Variants in SFXN5 observed in about 807,000 individuals in gnomAD.
The protein encoded by SFXN5 is sideroflexin-5.
In SFXN5, 43 loss-of-function variants were observed where a neutral mutation model predicts 50.2. The ratio of observed to expected loss-of-function variants is 0.86; its 90% CI spans 0.67 to 1.11. The LOEUF (loss-of-function observed/expected upper bound fraction) is 1.11. Ranked by LOEUF, SFXN5 falls within the 50% of genes least tolerant of loss-of-function variation. SFXN5 has a pLI of 0.00. For missense variants in SFXN5, 463 were observed against 454.1 expected (o/e 1.02, Z -0.18); for synonymous variants, 203 against 185.8 (o/e 1.09, Z -0.75).
At chr2:73,016,160 A>G (rs1227247241) in intron 6 of SFXN5, among the ~76,000 whole-genome samples, 1 of 152,102 alleles carries the variant, frequency 6.6e-6, no homozygotes, top group Non-Finnish European at 1.5e-5. Flanking sequence ...GTCTTGATCA[A>G]TCTTTCTAGA....
At chr2:72,969,394 T>C (rs958783335) in intron 11 of SFXN5, among the ~76,000 whole-genome samples, 2 of 152,186 alleles carry the variant, frequency 1.3e-5, no homozygotes, top group Non-Finnish European at 1.5e-5. Flanking sequence ...TTGGTGTTTT[T>C]TTTGTTTGTT....
rs191831007 is a variant in SFXN5, at chr2:72,965,878, G to A, written c.827+2570C>T. On this transcript the variant is annotated intron_variant, in intron 12 of 13. Transcript: ENST00000272433. ...TCCCTGGATGAGCATGGCTGACCCA[G>A]CTTCACACCCCGCCCCCCGCCTTCT... Among the ~76,000 whole-genome samples, 101 of 152,296 alleles carry A rather than the reference G, an allele frequency of 6.6e-4. 2 individuals carry two copies. Among genetic ancestry groups the A allele is most frequent in the African/African-American group, 2.3e-3 (94 of 41,568 alleles).
At chr2:73,050,893 C>T (rs1559206197) in intron 2 of SFXN5, among the ~76,000 whole-genome samples, 3 of 152,148 alleles carry the variant, frequency 2.0e-5, no homozygotes, top group African/African-American at 4.8e-5. Flanking sequence ...TGAATTGTTT[C>T]GCTCTTCTTA....
At chr2:72,951,822 C>A (rs868795621) in intron 13 of SFXN5, among the ~76,000 whole-genome samples, 5 of 152,192 alleles carry the variant, frequency 3.3e-5, no homozygotes. Context: ...AAGGTGGCGA[C>A]ATTGACGCAG....
intron 2 of SFXN5, among the ~76,000 whole-genome samples, chr2:73,053,776 ACCT>A (rs1181327276): frequency 1.3e-5 from 2 of 152,154 alleles, no homozygotes; most frequent in East Asian, 3.9e-4. Flanking sequence ...TTCCAGAGCC[ACCT>A]CCTCAAGTCC....
intron 8 of SFXN5, 47 bp from the exon 9 acceptor site, chr2:72,999,061 C>G (rs760145721): frequency 6.3e-7 from 1 of 1,588,514 alleles, no homozygotes; most frequent in African/African-American, 1.3e-5. Context: ...GCCCAAAGCT[C>G]CCATACTTCC....
At position 72,998,933 on chromosome 2, in the gene SFXN5, G is replaced by A. The variant is rs766965092; in HGVS notation, c.534+16C>T. ...GAGCAGCAGAGCCAAGAAGGAGCAG[G>A]GGAGGGAGTACTCACAGCAATGGAG... On this transcript the variant is annotated intron_variant, in intron 9 of 13. Coordinates refer to ENST00000272433, the MANE Select transcript of SFXN5 (RefSeq NM_144579.3). 6.2e-7 allele frequency: 1 copy of A among 1,613,534 alleles called. No individual in the cohort carries two copies. Among genetic ancestry groups the A allele is most frequent in the African/African-American group, 1.3e-5 (1 of 75,044 alleles).
chr2:73,053,357 G>A (rs1409354222), intron 2 of SFXN5: 3 of 154,316 alleles, frequency 1.9e-5, no homozygotes, highest in Non-Finnish European at 4.4e-5. Flanking sequence ...ACACCTCATT[G>A]TGGCATTTCT....
At chr2:72,987,780 A>C (rs1479199827) in intron 10 of SFXN5, among the ~76,000 whole-genome samples, 3 of 152,178 alleles carry the variant, frequency 2.0e-5, no homozygotes, top group Admixed American at 2.0e-4. Flanking sequence ...AAAAAGAAAA[A>C]AGAAAGAAAA....
At chr2:73,052,364 G>GTGTGTGTGTA (rs1312187246) in intron 2 of SFXN5, among the ~76,000 whole-genome samples, 2 of 107,454 alleles carry the variant, frequency 1.9e-5, no homozygotes, top group African/African-American at 1.3e-4. Context: ...GTATGCGTGT[G>GTGTGTGTGTA]TGTGTGTGTG....
At chr2:73,058,163 T>G (rs1370264501) in intron 2 of SFXN5, 1 of 169,860 alleles carries the variant, frequency 5.9e-6, no homozygotes, top group Non-Finnish European at 1.3e-5. Flanking sequence ...TAAAGGATAC[T>G]TTTTTCTACT....
chr2:72,989,801 T>G (rs994616368), intron 9 of SFXN5, among the ~76,000 whole-genome samples: 5 of 152,292 alleles, frequency 3.3e-5, no homozygotes, highest in African/African-American at 1.2e-4. Context: ...AGGAGTTGGG[T>G]TGCAGAGGCC....
Position 72,973,582 on chromosome 2 carries a change from C to G in SFXN5, c.626-1897G>C, listed in dbSNP as rs1187882099. Among the ~76,000 whole-genome samples the G allele has an allele frequency of 2.0e-5, 3 of 152,180 alleles. No individual in the cohort carries two copies. The highest frequency in any genetic ancestry group is 4.8e-5 in the African/African-American group (2 of 41,434). On this transcript the variant is annotated intron_variant, in intron 10 of 13. Transcript: ENST00000272433. This position sits in a 1 kb window ranked among gnomAD's most constrained non-coding sequence, Gnocchi z 5.5. The stretch of plus-strand genomic sequence containing the variant: ...GTCAGTGACAGACAGAATTAGGAAG[C>G]TGAATCCAAGGTAAAGGAGATCTGG...
rs1409099784 is a variant in SFXN5 at position 72,943,773 on chromosome 2, G to C, written c.*1249C>G. On this transcript the variant is annotated 3_prime_UTR_variant, in exon 14 of 14. Coordinates refer to ENST00000272433, the MANE Select transcript of SFXN5 (RefSeq NM_144579.3). ...TCCAAAGGGGCCTGCCCCCTTCCCA[G>C]TCCAGAGTCCACACTGGGGACATGC... 6.5e-6 allele frequency: 1 copy of C among 152,692 alleles called. No homozygotes were observed. Among genetic ancestry groups the C allele is most frequent in the Non-Finnish European group, 1.5e-5 (1 of 68,104 alleles). The allele number at this position is 152,692 out of a possible 1,614,324, so 9.5% of individuals were successfully genotyped here.
chr2:73,050,904 C>T (rs1195806232), intron 2 of SFXN5, among the ~76,000 whole-genome samples: 3 of 152,156 alleles, frequency 2.0e-5, no homozygotes, highest in South Asian at 2.1e-4. Flanking sequence ...GCTCTTCTTA[C>T]GTTTTACTAT....
intron 2 of SFXN5, among the ~76,000 whole-genome samples, chr2:73,048,273 A>T (rs1331120676): frequency 1.3e-5 from 2 of 152,188 alleles, no homozygotes; most frequent in Non-Finnish European, 2.9e-5. Context: ...GCTGGAGTGC[A>T]GTGATGTGAT....
Position 73,058,596 on chromosome 2 carries a change from T to A in SFXN5, c.103A>T (p.Thr35Ser). Residue 35 changes from threonine to serine, a missense_variant and splice_region_variant, in exon 2 of 14, where the codon ACG becomes TCG. Transcript: ENST00000272433. ...FQLGKPRFQQ[T>S]SFYGRFRHFL... is the part of the protein sequence containing the mutation. ...TGCCTGAAGCGGCCATAGAAGGACG[T>A]CTGAAGAAGAGGATGAGAGAGAAGA... 1 of 1,613,948 alleles carries A rather than the reference T, an allele frequency of 6.2e-7. No individual in the cohort carries two copies.
At chr2:73,018,059 TTAGCTGGGCA>T (rs1353752778) in intron 6 of SFXN5, among the ~76,000 whole-genome samples, 1 of 152,020 alleles carries the variant, frequency 6.6e-6, no homozygotes, top group African/African-American at 2.4e-5. Context: ...TTTTGAGAAG[TTAGCTGGGCA>T]TTGTGGCACA....
At chr2:72,980,031 T>C (rs1044188717) in intron 10 of SFXN5, among the ~76,000 whole-genome samples, 1 of 152,172 alleles carries the variant, frequency 6.6e-6, no homozygotes, top group Admixed American at 6.5e-5. Context: ...AGACTTCAGC[T>C]GCTATTCTGG....
Sources: allele counts gnomAD v4.1 joint callset (sites outside exome capture counted in the v4.1 genomes callset), GRCh38; gene constraint gnomAD v4.1.1; non-coding constraint Gnocchi (gnomAD v3.1); transcripts MANE v1.5; gene names NCBI Gene and HGNC (gene_info 2026-07-23, HGNC 2026-07-21).